The following PIGL variants were observed in gnomAD, a reference collection of about 807,000 sequenced individuals.
The protein encoded by PIGL is phosphatidylinositol glycan anchor biosynthesis class L.
PIGL carries 22 observed loss-of-function variants against 31.1 expected under a neutral mutation model. The ratio of observed to expected loss-of-function variants is 0.71; its 90% CI spans 0.51 to 1.01. The LOEUF is 1.01. Ranked by LOEUF, PIGL falls within the 50% of genes least tolerant of loss-of-function variation. The probability of loss-of-function intolerance (pLI) is 0.00; values close to 1 mark genes in which losing one functional copy is unlikely to be tolerated. For missense variants in PIGL, 302 were observed against 315.9 expected, an observed-to-expected ratio of 0.96 and a Z score of 0.33; for synonymous variants, 131 against 117.4, an observed-to-expected ratio of 1.12 and a Z score of -0.75.
intron 1 of PIGL, among the ~76,000 whole-genome samples, chr17:16,222,585 T>C (rs1262006256): frequency 6.6e-6 from 1 of 152,118 alleles, no homozygotes; most frequent in African/African-American, 2.4e-5. Flanking sequence ...CTGTGGTTTT[T>C]CTCTGTTCTA....
chr17:16,266,388 CAAAAAAAAAAA>C (rs60708474), intron 2 of PIGL, among the ~76,000 whole-genome samples: 1 of 72,024 alleles, frequency 1.4e-5, no homozygotes, highest in African/African-American at 5.0e-5. Flanking sequence ...GACTCCATCT[CAAAAAAAAAAA>C]AAAAAAAAAG....
chr17:16,322,200 T>C (rs535910261), intron 6 of PIGL, among the ~76,000 whole-genome samples: 2 of 152,074 alleles, frequency 1.3e-5, no homozygotes, highest in Non-Finnish European at 2.9e-5. Context: ...TTCAAGCAAT[T>C]CTCCTGTCTC....
intron 3 of PIGL, 73 bp from the exon 4 acceptor site, chr17:16,313,474 G>A (rs1169464548): frequency 9.2e-6 from 10 of 1,085,178 alleles, no homozygotes. Flanking sequence ...TCCTTCCCAA[G>A]GGAAGGAGAC....
chr17:16,309,299 T>A (rs2093038610), intron 3 of PIGL, among the ~76,000 whole-genome samples: 2 of 152,148 alleles, frequency 1.3e-5, no homozygotes, highest in Non-Finnish European at 2.9e-5. Context: ...AACCATCTCA[T>A]AGATAACTAG....
At chr17:16,305,749 G>C (rs924388911) in intron 3 of PIGL, among the ~76,000 whole-genome samples, 1 of 152,154 alleles carries the variant, frequency 6.6e-6, no homozygotes, top group Non-Finnish European at 1.5e-5. Context: ...CAACAGCCTG[G>C]GAGTTGAGAT....
chr17:16,232,087 G>A (rs1278540796), intron 1 of PIGL, among the ~76,000 whole-genome samples: 1 of 152,070 alleles, frequency 6.6e-6, no homozygotes, highest in African/African-American at 2.4e-5. Flanking sequence ...AGACCAGCCT[G>A]GCCAACATAA....
At chr17:16,227,139 C>T (rs758591637) in intron 1 of PIGL, among the ~76,000 whole-genome samples, 15 of 151,054 alleles carry the variant, frequency 9.9e-5, no homozygotes, top group South Asian at 2.1e-4. Flanking sequence ...GACGGAGTCT[C>T]CCTCTGTCAC....
chr17:16,221,492 C>T (rs956687069), intron 1 of PIGL, among the ~76,000 whole-genome samples: 5 of 150,894 alleles, frequency 3.3e-5, no homozygotes, highest in Admixed American at 1.3e-4. Context: ...CACTGTCGCC[C>T]GGGCTGGAGT....
intron 2 of PIGL, among the ~76,000 whole-genome samples, chr17:16,259,268 C>T (rs2092809598): frequency 6.7e-6 from 1 of 149,380 alleles, no homozygotes; most frequent in South Asian, 2.1e-4. Flanking sequence ...AGCCTCGATC[C>T]TGGACTTTGC....
At chr17:16,260,132 G>A (rs1006543677) in intron 2 of PIGL, among the ~76,000 whole-genome samples, 4 of 152,212 alleles carry the variant, frequency 2.6e-5, no homozygotes, top group African/African-American at 9.6e-5. Context: ...GGGTGCTGAG[G>A]GCAGCTCACC....
intron 3 of PIGL, among the ~76,000 whole-genome samples, chr17:16,304,599 T>A (rs971421984): frequency 1.3e-5 from 2 of 151,882 alleles, no homozygotes; most frequent in Non-Finnish European, 2.9e-5. Context: ...CTCTATTTTT[T>A]AAAAAATAAA....
chr17:16,289,231 C>G (rs1383675716), intron 2 of PIGL, among the ~76,000 whole-genome samples: 1 of 152,186 alleles, frequency 6.6e-6, no homozygotes, highest in African/African-American at 2.4e-5. Flanking sequence ...TGCCTTTTAT[C>G]ATTTCTGAGC....
At chr17:16,219,721 A>C (rs558366473) in intron 1 of PIGL, among the ~76,000 whole-genome samples, 1 of 152,020 alleles carries the variant, frequency 6.6e-6, no homozygotes, top group South Asian at 2.1e-4. Flanking sequence ...TGTGCACCAC[A>C]TGTTGGGCTA....
In PIGL at chr17:16,326,167, A is replaced by G. The variant is rs1293022004; in HGVS notation, c.*269A>G. 1.4e-5 allele frequency: 6 copies of G among 432,630 alleles called. No homozygotes were observed. 26.8% of individuals were successfully genotyped at this position (432,630 alleles called of 1,614,324 possible). On this transcript the variant is annotated 3_prime_UTR_variant, in exon 7 of 7. Coordinates refer to ENST00000225609, the MANE Select transcript of PIGL (RefSeq NM_004278.4). Reference sequence around the variant, plus strand: ...CAAGTTCTTGTGAAAAACAATTTACATAATGACACAGTAGATGTGGAACAC... The same window carrying G: ...CAAGTTCTTGTGAAAAACAATTTACGTAATGACACAGTAGATGTGGAACAC...
intron 5 of PIGL, chr17:16,317,443 A>G: frequency 9.6e-7 from 1 of 1,043,804 alleles, no homozygotes; most frequent in Non-Finnish European, 1.2e-6. Flanking sequence ...AGCTGGAACC[A>G]GGTCTCTAAA....
chr17:16,255,051 C>A (rs1244288739), intron 2 of PIGL, among the ~76,000 whole-genome samples: 2 of 152,210 alleles, frequency 1.3e-5, no homozygotes, highest in Non-Finnish European at 2.9e-5. Flanking sequence ...TGTGTGTGGT[C>A]TCTAAGAACT....
intron 2 of PIGL, among the ~76,000 whole-genome samples, chr17:16,234,680 G>C (rs1456704523): frequency 6.6e-6 from 1 of 152,028 alleles, no homozygotes; most frequent in Non-Finnish European, 1.5e-5. Context: ...CAGGAGAATC[G>C]CTTGAACCTG....
chr17:16,284,698 TCTC>T (rs2092930244), intron 2 of PIGL, among the ~76,000 whole-genome samples: 1 of 152,078 alleles, frequency 6.6e-6, no homozygotes, highest in African/African-American at 2.4e-5. Flanking sequence ...TATGATTTCA[TCTC>T]CTACTTAACC....
chr17:16,234,622 G>C (rs970277465), intron 2 of PIGL, among the ~76,000 whole-genome samples: 2 of 151,966 alleles, frequency 1.3e-5, no homozygotes, highest in African/African-American at 2.4e-5. Context: ...AAAATTAGCC[G>C]GGCGTATTGG....
Sources: allele counts gnomAD v4.1 joint callset (sites outside exome capture counted in the v4.1 genomes callset), GRCh38; gene constraint gnomAD v4.1.1; transcripts MANE v1.5; gene names NCBI Gene and HGNC (gene_info 2026-07-23, HGNC 2026-07-21).